The following FOXJ3 variants were observed in gnomAD, a reference collection of about 807,000 sequenced individuals.
FOXJ3 encodes forkhead box J3, also known as forkhead box protein J3.
Under a neutral mutation model 76.1 loss-of-function variants are expected in FOXJ3, and 22 were observed. The observed-to-expected ratio is 0.29, with a 90% CI of 0.21 to 0.41. The LOEUF (loss-of-function observed/expected upper bound fraction) is 0.41, where lower values mean the gene tolerates loss of function less well. Among genes scored for constraint, FOXJ3 ranks in the 10% least tolerant of loss-of-function variants. The pLI is 1.00. For synonymous variants in FOXJ3, 269 were observed against 261.2 expected (o/e 1.03, Z -0.29); for missense variants, 613 against 762.1 (o/e 0.80, Z 2.30).
chr1:42,198,239 A>G (rs573366845), intron 7 of FOXJ3, among the ~76,000 whole-genome samples: 2 of 151,906 alleles, frequency 1.3e-5, no homozygotes, highest in African/African-American at 4.8e-5. Flanking sequence ...CCATTGTGGG[A>G]TAATACTTTA....
chr1:42,201,720 T>C (rs1039729565), intron 6 of FOXJ3, among the ~76,000 whole-genome samples: 1 of 152,358 alleles, frequency 6.6e-6, no homozygotes, highest in African/African-American at 2.4e-5. Context: ...ACTTAGGTTA[T>C]GATGGTTTCA....
chr1:42,293,646 C>T (rs1390803397), intron 2 of FOXJ3, among the ~76,000 whole-genome samples: 5 of 152,152 alleles, frequency 3.3e-5, no homozygotes, highest in Non-Finnish European at 5.9e-5. Flanking sequence ...TCCAGTCTCA[C>T]GAGCTTCTCT....
intron 3 of FOXJ3, among the ~76,000 whole-genome samples, chr1:42,270,086 C>G (rs1023893063): frequency 6.6e-6 from 1 of 152,168 alleles, no homozygotes; most frequent in African/African-American, 2.4e-5. Flanking sequence ...ACATTCATCC[C>G]CTCCAATGTT....
At chr1:42,304,267 G>C (rs187662057) in intron 2 of FOXJ3, among the ~76,000 whole-genome samples, 154 of 151,736 alleles carry the variant, frequency 1.0e-3, no homozygotes, top group African/African-American at 3.3e-3. Flanking sequence ...ACCAAGAAAA[G>C]GAAAGATAGT....
intron 6 of FOXJ3, among the ~76,000 whole-genome samples, chr1:42,203,856 C>CGCAGT (rs1646809487): frequency 6.6e-6 from 1 of 151,818 alleles, no homozygotes; most frequent in Non-Finnish European, 1.5e-5. Flanking sequence ...ATTAGCCAGG[C>CGCAGT]GCAGTGGTGG....
rs12028506 is a variant in FOXJ3 at position 42,264,653 on chromosome 1, C to T, written c.444+462G>A. ...GGGAGGAGTCACCATAGAAAAAACG[C>T]TAAAAACGTGAAAAATGCAGTGGTG... is the stretch of plus-strand genomic sequence containing the variant. On this transcript the variant is annotated intron_variant, in intron 4 of 12. Transcript: ENST00000361346. 6.8e-4 allele frequency among the ~76,000 whole-genome samples: 103 copies of T among 152,114 alleles called. No homozygotes were observed. In the East Asian group the frequency reaches 0.017, roughly 26 times the overall value.
chr1:42,307,822 T>C (rs1208382834), intron 2 of FOXJ3, among the ~76,000 whole-genome samples: 2 of 151,734 alleles, frequency 1.3e-5, no homozygotes, highest in African/African-American at 4.9e-5. Context: ...AGGCAAGTTC[T>C]GTCTTTCCAA....
intron 4 of FOXJ3, among the ~76,000 whole-genome samples, chr1:42,262,577 G>A (rs1027098614): frequency 2.6e-5 from 4 of 152,106 alleles, no homozygotes; most frequent in Non-Finnish European, 5.9e-5. Context: ...GGCCAGGTGC[G>A]GCAGCTCACG....
chr1:42,226,325 G>T (rs1428709348), intron 5 of FOXJ3, among the ~76,000 whole-genome samples: 1 of 152,184 alleles, frequency 6.6e-6, no homozygotes, highest in Non-Finnish European at 1.5e-5. Flanking sequence ...AAATTGTCTA[G>T]CTCTGGCCGG....
intron 4 of FOXJ3, among the ~76,000 whole-genome samples, chr1:42,238,175 G>A (rs971068665): frequency 2.9e-4 from 44 of 152,100 alleles, no homozygotes; most frequent in African/African-American, 9.6e-4. Context: ...TGGGAATATA[G>A]GTGTGCACCA....
At chr1:42,196,156 GCTA>G (rs1160241505) in intron 7 of FOXJ3, among the ~76,000 whole-genome samples, 1 of 152,200 alleles carries the variant, frequency 6.6e-6, no homozygotes, top group Non-Finnish European at 1.5e-5. Flanking sequence ...TACAGAGTGA[GCTA>G]CTACTCGAGT....
In FOXJ3 at chr1:42,185,252, A is replaced by ATTTTT. The variant is rs36007346; in HGVS notation, c.1646-3233_1646-3229dup. On this transcript the variant is annotated intron_variant, in intron 11 of 12. Coordinates refer to ENST00000361346, the MANE Select transcript of FOXJ3 (RefSeq NM_014947.5). Reference sequence around the variant, plus strand: ...AGAAGTGTAGCCCTCAACATACTGAATTTTTTTTTTTTTTTTTTTTTTTGA... The same window carrying ATTTTT: ...AGAAGTGTAGCCCTCAACATACTGAATTTTTTTTTTTTTTTTTTTTTTTTTTTTGA... Among the ~76,000 whole-genome samples, 292 of 108,260 alleles carry ATTTTT rather than the reference A, an allele frequency of 2.7e-3. 3 individuals are homozygous for ATTTTT. Among genetic ancestry groups the ATTTTT allele is most frequent in the African/African-American group, 4.3e-3 (105 of 24,252 alleles). The allele number at this position is 108,260 out of a possible 152,430, so 71.0% of individuals were successfully genotyped here.
chr1:42,265,673 A>C (rs1290783536), intron 3 of FOXJ3, among the ~76,000 whole-genome samples: 1 of 152,204 alleles, frequency 6.6e-6, no homozygotes, highest in African/African-American at 2.4e-5. Context: ...AATGGTCTGC[A>C]AGACACATGT....
At chr1:42,294,034 A>G (rs1309558564) in intron 2 of FOXJ3, among the ~76,000 whole-genome samples, 3 of 152,210 alleles carry the variant, frequency 2.0e-5, no homozygotes, top group African/African-American at 7.2e-5. Context: ...TAAGTATTCA[A>G]TATATATTTG....
At chr1:42,288,875 T>C (rs1653234921) in intron 2 of FOXJ3, among the ~76,000 whole-genome samples, 1 of 152,206 alleles carries the variant, frequency 6.6e-6, no homozygotes, top group South Asian at 2.1e-4. Flanking sequence ...CTAAATTTTG[T>C]TTTGGAACAT....
At chr1:42,202,076 T>C (rs1646774972) in intron 6 of FOXJ3, among the ~76,000 whole-genome samples, 1 of 152,182 alleles carries the variant, frequency 6.6e-6, no homozygotes, top group South Asian at 2.1e-4. Context: ...CAGCAAATTG[T>C]ATTTCTCTTT....
chr1:42,234,717 T>C (rs1180911043), intron 4 of FOXJ3, among the ~76,000 whole-genome samples: 3 of 152,154 alleles, frequency 2.0e-5, no homozygotes, highest in East Asian at 1.9e-4. Flanking sequence ...ACAGCAGATA[T>C]TGGCAAGCAG....
chr1:42,272,895 A>G (rs1462545007), intron 3 of FOXJ3, among the ~76,000 whole-genome samples: 3 of 152,210 alleles, frequency 2.0e-5, no homozygotes, highest in Non-Finnish European at 2.9e-5. Context: ...GCAAGCCACT[A>G]TAACCAAGTG....
intron 1 of FOXJ3, among the ~76,000 whole-genome samples, chr1:42,311,793 A>G (rs753688980): frequency 6.6e-6 from 1 of 152,206 alleles, no homozygotes; most frequent in Non-Finnish European, 1.5e-5. Context: ...AATGAACCTC[A>G]GTTTCTTCAT....
Sources: gnomAD v4.1 joint callset for allele counts (sites outside exome capture counted in the v4.1 genomes callset) on GRCh38, gnomAD v4.1.1 for gene constraint, MANE v1.5 for transcripts, NCBI Gene and HGNC (gene_info 2026-07-23, HGNC 2026-07-21) for gene names.